TMCC3: variants seen among roughly 807,000 people sequenced by gnomAD.
TMCC3 encodes transmembrane and coiled-coil domain protein 3.
TMCC3 carries 28 observed loss-of-function variants against 40.2 expected under a neutral mutation model. The ratio of observed to expected loss-of-function variants is 0.70; its 90% CI spans 0.52 to 0.95. TMCC3 has a LOEUF of 0.95. Among genes scored for constraint, TMCC3 ranks in the 40% least tolerant of loss-of-function variants. The pLI is 0.00. For synonymous variants in TMCC3, 255 were observed against 248.5 expected, an observed-to-expected ratio of 1.03 and a Z score of -0.25; for missense variants, 554 against 615.2, an observed-to-expected ratio of 0.90 and a Z score of 1.05.
intron 2 of TMCC3, among the ~76,000 whole-genome samples, chr12:94,579,832 G>A (rs11107610): frequency 6.6e-6 from 1 of 152,336 alleles, no homozygotes; most frequent in East Asian, 1.9e-4. Flanking sequence ...CAGGACAGAT[G>A]CAAACAGAAA....
At chr12:94,576,249 C>T (rs2068564169) in intron 3 of TMCC3, among the ~76,000 whole-genome samples, 1 of 152,160 alleles carries the variant, frequency 6.6e-6, no homozygotes, top group Non-Finnish European at 1.5e-5. Context: ...CCAGAACTGT[C>T]CCAAGTAGGC....
intron 1 of TMCC3, among the ~76,000 whole-genome samples, chr12:94,593,026 G>A (rs533021043): frequency 3.3e-5 from 5 of 151,796 alleles, no homozygotes; most frequent in African/African-American, 1.2e-4. Context: ...GCAAAACCCC[G>A]TCTCTAATAA....
intron 3 of TMCC3, among the ~76,000 whole-genome samples, chr12:94,575,563 T>C (rs1468154662): frequency 1.3e-5 from 2 of 152,184 alleles, no homozygotes; most frequent in African/African-American, 4.8e-5. Context: ...TTTACACTTC[T>C]GAGTGAGAGA....
chr12:94,592,543 C>A (rs1181973109), intron 1 of TMCC3, among the ~76,000 whole-genome samples: 1 of 149,790 alleles, frequency 6.7e-6, no homozygotes, highest in African/African-American at 2.5e-5. Context: ...ACTCAGGAGG[C>A]TGAGGCAGGA....
chr12:94,640,611 A>G (rs1295756619), intron 1 of TMCC3, among the ~76,000 whole-genome samples: 1 of 152,190 alleles, frequency 6.6e-6, no homozygotes, highest in Admixed American at 6.5e-5. Flanking sequence ...AATATCAAGC[A>G]AATAACAGTG....
chr12:94,641,706 T>C (rs2138885443), intron 1 of TMCC3, among the ~76,000 whole-genome samples: 1 of 152,238 alleles, frequency 6.6e-6, no homozygotes, highest in African/African-American at 2.4e-5. Flanking sequence ...AAGGCGAGAC[T>C]CACAGAACGG....
chr12:94,622,089 A>ATAT (rs2068878784), intron 1 of TMCC3, among the ~76,000 whole-genome samples: 1 of 152,322 alleles, frequency 6.6e-6, no homozygotes, highest in South Asian at 2.1e-4. Flanking sequence ...TCTTGGTCAA[A>ATAT]TATTAGTACC....
At chr12:94,593,025 C>T (rs1405456014) in intron 1 of TMCC3, among the ~76,000 whole-genome samples, 2 of 151,814 alleles carry the variant, frequency 1.3e-5, no homozygotes, top group African/African-American at 4.8e-5. Flanking sequence ...GGCAAAACCC[C>T]GTCTCTAATA....
chr12:94,621,686 A>C (rs887726109), intron 1 of TMCC3, among the ~76,000 whole-genome samples: 7 of 152,190 alleles, frequency 4.6e-5, no homozygotes, highest in African/African-American at 1.7e-4. Context: ...AGTTTAAGTG[A>C]TTTCACCAAG....
In TMCC3 at chr12:94,578,490, G is replaced by T. The variant is rs2068580930; in HGVS notation, c.1035C>A (p.Asp345Glu). 4 of 1,614,144 alleles carry T rather than the reference G, an allele frequency of 2.5e-6. No homozygotes were observed. Among genetic ancestry groups the T allele is most frequent in the Non-Finnish European group, 3.4e-6 (4 of 1,180,018 alleles). Residue 345 changes from aspartate to glutamate, a missense_variant, in exon 3 of 4, where the codon GAC (aspartate) becomes GAA (glutamate). By Grantham distance (45) the Asp-to-Glu change is conservative (BLOSUM62 2). Transcript: ENST00000261226. ...RLEDQLHDLT[D>E]LHQHETANLK... is the part of the protein sequence containing the mutation. ...GGTTGGCTGTCTCATGCTGATGCAG[G>T]TCCGTCAGGTCATGCAGCTGGTCCT...
At position 94,650,505 on chromosome 12, in the gene TMCC3, A is replaced by G; in HGVS notation, c.-75T>C. 8.7e-7 allele frequency: 1 copy of G among 1,149,060 alleles called. No homozygotes were observed. Among genetic ancestry groups the G allele is most frequent in the Non-Finnish European group, 1.1e-6 (1 of 918,254 alleles). 71.2% of individuals were successfully genotyped at this position (1,149,060 alleles called of 1,614,324 possible). On this transcript the variant is annotated 5_prime_UTR_variant, in exon 1 of 4. Transcript: ENST00000261226. ...CGAGCCACCGGCTGTGCTCGGGATC[A>G]CCCTGGGAGCCGCGGGCGAGGGGGC...
At position 94,567,553 on chromosome 12, in the gene TMCC3, A is replaced by C. The variant is rs1448845442; in HGVS notation, c.*3882T>G. The C allele has an allele frequency of 1.4e-5, 2 of 146,436 alleles. No homozygotes were observed. The highest frequency in any genetic ancestry group is 4.9e-5 in the African/African-American group (2 of 41,052). The allele number at this position is 146,436 out of a possible 1,614,324, so 9.1% of individuals were successfully genotyped here. Reference sequence around the variant, plus strand: ...GGAAACTATAGGTTAGTTCTGTTTCATATCTTTTTTTTTTAGCATCTTATC... The same window carrying C: ...GGAAACTATAGGTTAGTTCTGTTTCCTATCTTTTTTTTTTAGCATCTTATC... On this transcript the variant is annotated 3_prime_UTR_variant, in exon 4 of 4. Transcript: ENST00000261226.
In TMCC3 at chr12:94,583,209, T is replaced by C. The variant is rs892971326; in HGVS notation, c.79-671A>G. ...ATTAAAAAAAAAAAAGGCCGGGGGG[T>C]GGGGGCGTGGCGCTGCTGGGCGAGG... On this transcript the variant is annotated intron_variant, in intron 1 of 3. Transcript: ENST00000261226. 2.3e-5 allele frequency among the ~76,000 whole-genome samples: 3 copies of C among 127,864 alleles called. No individual in the cohort carries two copies. In the Admixed American group the frequency reaches 2.4e-4, roughly 10 times the overall value. The allele number at this position is 127,864 out of a possible 152,430, so 83.9% of individuals were successfully genotyped here. A position where few individuals can be genotyped will look rare whatever the true frequency, so the allele number is the denominator to read the frequency against.
intron 1 of TMCC3, among the ~76,000 whole-genome samples, chr12:94,584,622 T>C (rs900822761): frequency 6.6e-6 from 1 of 151,096 alleles, no homozygotes; most frequent in South Asian, 2.1e-4. Context: ...TGGGACACCA[T>C]CCTAGATGGG....
At chr12:94,593,420 GA>G (rs1566320661) in intron 1 of TMCC3, among the ~76,000 whole-genome samples, 2 of 41,754 alleles carry the variant, frequency 4.8e-5, no homozygotes, top group African/African-American at 1.8e-4. Context: ...GGAAGAAGAA[GA>G]AGGAAGAAGA....
chr12:94,641,206 A>AAG lies in TMCC3; in HGVS notation c.78+9146_78+9147insCT, dbSNP rs1254948558. Reference sequence around the variant, plus strand: ...CAGACCCAGACCCTGTCTCAAAAAAAAAAAGAAAAGAAAAGAAATAAACCA... The same window carrying AAG: ...CAGACCCAGACCCTGTCTCAAAAAAAAGAAAAGAAAAGAAAAGAAATAAACCA... On this transcript the variant is annotated intron_variant, in intron 1 of 3. Transcript: ENST00000261226. 4.6e-5 allele frequency among the ~76,000 whole-genome samples: 7 copies of AAG among 151,970 alleles called. No individual in the cohort carries two copies. In the South Asian group the frequency reaches 6.2e-4, roughly 14 times the overall value.
At chr12:94,624,679 A>C (rs758598088) in intron 1 of TMCC3, among the ~76,000 whole-genome samples, 1 of 151,982 alleles carries the variant, frequency 6.6e-6, no homozygotes, top group African/African-American at 2.4e-5. Flanking sequence ...ACACCACTGC[A>C]CTCCAGCTTG....
chr12:94,595,195 T>C (rs550051606), intron 1 of TMCC3, among the ~76,000 whole-genome samples: 10 of 152,322 alleles, frequency 6.6e-5, no homozygotes, highest in Non-Finnish European at 1.2e-4. Context: ...AACTATATTT[T>C]CCATGTGTCT....
At position 94,650,489 on chromosome 12, in the gene TMCC3, G is replaced by C. The variant is rs1484621054; in HGVS notation, c.-59C>G. On this transcript the variant is annotated 5_prime_UTR_variant, in exon 1 of 4. Coordinates refer to ENST00000261226, the MANE Select transcript of TMCC3 (RefSeq NM_020698.4). ...TGGGGCTGCCGCGCCGCGAGCCACC[G>C]GCTGTGCTCGGGATCACCCTGGGAG... The C allele has an allele frequency of 6.6e-6, 8 of 1,208,234 alleles. No individual in the cohort carries two copies. The highest frequency in any genetic ancestry group is 7.3e-6 in the Non-Finnish European group (7 of 964,064). 74.8% of individuals were successfully genotyped at this position (1,208,234 alleles called of 1,614,324 possible).
Sources: gnomAD v4.1 joint callset for allele counts (sites outside exome capture counted in the v4.1 genomes callset) on GRCh38, gnomAD v4.1.1 for gene constraint, MANE v1.5 for transcripts, NCBI Gene and HGNC (gene_info 2026-07-23, HGNC 2026-07-21) for gene names.